CAMTA1: variants seen among roughly 807,000 people sequenced by gnomAD.
The protein encoded by CAMTA1 is calmodulin binding transcription activator 1, also known as calmodulin-binding transcription activator 1.
CAMTA1 carries 27 observed loss-of-function variants against 170.9 expected under a neutral mutation model. That is an observed-to-expected ratio of 0.16 (90% CI 0.12 to 0.22). CAMTA1 has a LOEUF of 0.22. CAMTA1 is among the 10% of genes least tolerant of loss of function. The pLI, the probability that CAMTA1 is intolerant of heterozygous loss-of-function variation, is 1.00. For synonymous variants in CAMTA1, 833 were observed against 891.5 expected, an observed-to-expected ratio of 0.93 and a Z score of 1.17; for missense variants, 1,619 against 2,217.2, an observed-to-expected ratio of 0.73 and a Z score of 5.42.
At chr1:7,256,627 G>T (rs1667415558) in intron 5 of CAMTA1, among the ~76,000 whole-genome samples, 1 of 152,120 alleles carries the variant, frequency 6.6e-6, no homozygotes, top group Non-Finnish European at 1.5e-5. Flanking sequence ...AGTTCACAAA[G>T]GCCTGGCAGG....
chr1:7,303,704 A>G lies in CAMTA1; in HGVS notation c.438+54078A>G, dbSNP rs1675144646. On this transcript the variant is annotated intron_variant, in intron 5 of 22. Transcript: ENST00000303635. ...GACAATAAGAACTAGAATATGTAGC[A>G]TGCCAGATGGTCATGAGAGACACAG... 4.6e-5 allele frequency among the ~76,000 whole-genome samples: 7 copies of G among 152,336 alleles called. No homozygotes were observed. The South Asian group carries it at 1.5e-3, about 32-fold the overall frequency.
At chr1:7,647,840 C>CT (rs943453429) in intron 7 of CAMTA1, among the ~76,000 whole-genome samples, 5 of 152,166 alleles carry the variant, frequency 3.3e-5, no homozygotes, top group African/African-American at 4.8e-5. Flanking sequence ...TCCCAGCACT[C>CT]TGGGTGGCCG....
At chr1:7,408,080 C>T (rs1014297367) in intron 5 of CAMTA1, among the ~76,000 whole-genome samples, 1 of 152,196 alleles carries the variant, frequency 6.6e-6, no homozygotes, top group Non-Finnish European at 1.5e-5. Context: ...TGGGTGCTCT[C>T]TGTCCCGCCT....
intron 5 of CAMTA1, among the ~76,000 whole-genome samples, chr1:7,376,111 G>A (rs527597907): frequency 1.3e-5 from 2 of 152,314 alleles, no homozygotes; most frequent in African/African-American, 2.4e-5. Flanking sequence ...GGCTCCCTTG[G>A]GTCTTGTTTA....
chr1:7,513,178 G>T (rs1010742798), intron 6 of CAMTA1, among the ~76,000 whole-genome samples: 2 of 152,298 alleles, frequency 1.3e-5, no homozygotes, highest in South Asian at 4.1e-4. Flanking sequence ...GTAGAGCTGT[G>T]GGGTGGGGAG....
In CAMTA1 at chr1:7,041,556, T is replaced by C. The variant is rs1364177209; in HGVS notation, c.235-49748T>C. 2.0e-5 allele frequency among the ~76,000 whole-genome samples: 3 copies of C among 152,242 alleles called. No individual in the cohort carries two copies. The highest frequency in any genetic ancestry group is 2.1e-4 in the South Asian group (1 of 4,830). On this transcript the variant is annotated intron_variant, in intron 3 of 22. Coordinates refer to ENST00000303635, the MANE Select transcript of CAMTA1 (RefSeq NM_015215.4). This position sits in a 1 kb window ranked among gnomAD's most constrained non-coding sequence, Gnocchi z 5.1. ...AATTAAGCATAATGCGAAAACATGC[T>C]GAAAAGACAGTTCTGTAGAAATGTG...
At chr1:7,122,243 G>A (rs1190728868) in intron 4 of CAMTA1, among the ~76,000 whole-genome samples, 1 of 151,966 alleles carries the variant, frequency 6.6e-6, no homozygotes, top group African/African-American at 2.4e-5. Flanking sequence ...TGTCATCCCT[G>A]TCTTCCTCTT....
intron 6 of CAMTA1, among the ~76,000 whole-genome samples, chr1:7,495,696 T>C (rs2093815367): frequency 6.6e-6 from 1 of 152,330 alleles, no homozygotes; most frequent in East Asian, 1.9e-4. Flanking sequence ...GGAGTCTCCA[T>C]AGGCCCTGGC....
chr1:6,824,567 A>G (rs1468312049), intron 2 of CAMTA1, among the ~76,000 whole-genome samples: 1 of 152,148 alleles, frequency 6.6e-6, no homozygotes, highest in Non-Finnish European at 1.5e-5. Context: ...CTGAGTAGCT[A>G]ACTGCAGGCT....
chr1:7,667,589 G>A (rs1364082987), intron 9 of CAMTA1, among the ~76,000 whole-genome samples: 3 of 152,140 alleles, frequency 2.0e-5, no homozygotes, highest in Admixed American at 1.3e-4. Context: ...GTCCTGGCCT[G>A]TCAGACAGGC....
At chr1:7,231,327 A>ATG (rs745744631) in intron 4 of CAMTA1, among the ~76,000 whole-genome samples, 87 of 141,980 alleles carry the variant, frequency 6.1e-4, no homozygotes, top group African/African-American at 1.1e-3. Context: ...TACTGGCTTA[A>ATG]TGTGTGTGTG....
At chr1:7,653,853 G>A (rs2095862528) in intron 7 of CAMTA1, among the ~76,000 whole-genome samples, 3 of 152,194 alleles carry the variant, frequency 2.0e-5, no homozygotes. Flanking sequence ...CCTGCCCTCA[G>A]GATCCAAACT....
intron 9 of CAMTA1, among the ~76,000 whole-genome samples, chr1:7,669,626 G>A (rs1363552367): frequency 2.0e-5 from 3 of 152,366 alleles, no homozygotes; most frequent in Non-Finnish European, 2.9e-5. Flanking sequence ...CCTGCCTGGC[G>A]GCCTTCTCCA....
At chr1:6,872,775 TA>T (rs533773647) in intron 3 of CAMTA1, among the ~76,000 whole-genome samples, 2 of 152,008 alleles carry the variant, frequency 1.3e-5, no homozygotes, top group African/African-American at 4.8e-5. Context: ...ATCATGTCCT[TA>T]AAAAAAACAT....
In CAMTA1 at chr1:7,403,075, A is replaced by G. The variant is rs552332273; in HGVS notation, c.439-64755A>G. ...GAATAGAAAATGATATTAATCACCC[A>G]GGCGCGGTGGCTCACGCCTATAATC... On this transcript the variant is annotated intron_variant, in intron 5 of 22. Transcript: ENST00000303635. 4.8e-4 allele frequency among the ~76,000 whole-genome samples: 73 copies of G among 152,270 alleles called. 3 individuals carry two copies. The South Asian group carries it at 9.1e-3, about 19-fold the overall frequency.
intron 4 of CAMTA1, among the ~76,000 whole-genome samples, chr1:7,102,405 C>T (rs1008310211): frequency 5.9e-5 from 9 of 152,054 alleles, no homozygotes; most frequent in African/African-American, 1.9e-4. Flanking sequence ...CTCTCTCCAC[C>T]GGGATGATCT....
intron 6 of CAMTA1, among the ~76,000 whole-genome samples, chr1:7,568,858 C>T (rs561989542): frequency 8.6e-5 from 13 of 151,106 alleles, no homozygotes; most frequent in African/African-American, 3.2e-4. Context: ...ACCACATCAT[C>T]ATCATCAACA....
chr1:7,560,718 G>A (rs79654988), intron 6 of CAMTA1, among the ~76,000 whole-genome samples: 2 of 152,302 alleles, frequency 1.3e-5, no homozygotes, highest in East Asian at 1.9e-4. Flanking sequence ...CACTGAGCAC[G>A]GTAACCCACT....
chr1:7,679,586 C>G (rs959440226), intron 11 of CAMTA1, among the ~76,000 whole-genome samples: 15 of 151,710 alleles, frequency 9.9e-5, no homozygotes, highest in African/African-American at 1.9e-4. Context: ...CCCCCCCCCC[C>G]AGAACTTTGA....
Sources: allele counts gnomAD v4.1 joint callset (sites outside exome capture counted in the v4.1 genomes callset), GRCh38; gene constraint gnomAD v4.1.1; non-coding constraint Gnocchi (gnomAD v3.1); transcripts MANE v1.5; gene names NCBI Gene and HGNC (gene_info 2026-07-23, HGNC 2026-07-21).